Variants in TRAPPC5 observed in about 807,000 individuals in gnomAD.
TRAPPC5 encodes trafficking protein particle complex 5.
A neutral mutation model predicts 9.8 loss-of-function variants in TRAPPC5; 5 were observed. That is an observed-to-expected ratio of 0.51 (90% CI 0.27 to 1.07). TRAPPC5 has a LOEUF of 1.07. Ranked by LOEUF, TRAPPC5 falls within the 50% of genes least tolerant of loss-of-function variation. TRAPPC5 has a pLI of 0.12. For missense variants in TRAPPC5, 243 were observed against 291.5 expected, an observed-to-expected ratio of 0.83 and a Z score of 1.21; for synonymous variants, 146 against 140.7, an observed-to-expected ratio of 1.04 and a Z score of -0.26.
rs368901163 is a variant in TRAPPC5 at position 7,685,481 on chromosome 19, A to T, written c.*2661A>T. On this transcript the variant is annotated 3_prime_UTR_variant, in exon 2 of 2. Transcript: ENST00000596148. ...TCTGTTCAGAAAAGGAACTGCAGGG[A>T]CTGTCAGCTGGGCTCCCCTCACTGG... 7 of 152,082 alleles carry T rather than the reference A, an allele frequency of 4.6e-5. No homozygotes were observed. Among genetic ancestry groups the T allele is most frequent in the African/African-American group, 1.4e-4 (6 of 41,388 alleles). The allele number at this position is 152,082 out of a possible 1,614,324, so 9.4% of individuals were successfully genotyped here.
rs1322263464 is a variant in TRAPPC5, at chr19:7,682,263, C to T, written c.10C>T (p.Arg4Cys). Residue 4 changes from arginine (R) to cysteine (C), a missense_variant, in exon 2 of 2, where the codon CGC becomes TGC. Arg to Cys is a radical substitution (Grantham distance 180). Transcript: ENST00000596148. The surrounding 1 kb of genome is among the most constrained non-coding windows in gnomAD (Gnocchi z 8.6). MEA[R>C]FTRGKSALLE... is the part of the protein sequence containing the mutation. ...GCAGGGTGGCGGCGGCATGGAGGCG[C>T]GCTTCACGCGCGGGAAGTCGGCGCT... 1 of 1,401,482 alleles carries T rather than the reference C, an allele frequency of 7.1e-7. No individual in the cohort carries two copies. Among genetic ancestry groups the T allele is most frequent in the South Asian group, 1.6e-5 (1 of 63,040 alleles). The allele number at this position is 1,401,482 out of a possible 1,614,324, so 86.8% of individuals were successfully genotyped here.
At position 7,682,270 on chromosome 19, in the gene TRAPPC5, C is replaced by G. The variant is rs1429882602; in HGVS notation, c.17C>G (p.Thr6Arg). Residue 6 changes from threonine (T) to arginine (R), a missense_variant, in exon 2 of 2, where the codon ACG becomes AGG. Transcript: ENST00000596148. The surrounding 1 kb of genome is among the most constrained non-coding windows in gnomAD (Gnocchi z 8.6). The part of the protein sequence containing the change: MEARF[T>R]RGKSALLERA... ...GGCGGCGGCATGGAGGCGCGCTTCA[C>G]GCGCGGGAAGTCGGCGCTGCTGGAG... 1.2e-5 allele frequency: 17 copies of G among 1,412,060 alleles called. No individual in the cohort carries two copies. Among genetic ancestry groups the G allele is most frequent in the Non-Finnish European group, 1.5e-5 (16 of 1,090,960 alleles). The allele number at this position is 1,412,060 out of a possible 1,614,324, so 87.5% of individuals were successfully genotyped here. A position where few individuals can be genotyped will look rare whatever the true frequency, so the allele number is the denominator to read the frequency against.
rs897360285 is a variant in TRAPPC5 at position 7,686,481 on chromosome 19, A to T, written c.*3661A>T. 2 of 152,136 alleles carry T rather than the reference A, an allele frequency of 1.3e-5. No homozygotes were observed. The highest frequency in any genetic ancestry group is 2.9e-5 in the Non-Finnish European group (2 of 68,056). 9.4% of individuals were successfully genotyped at this position (152,136 alleles called of 1,614,324 possible). ...CAGCTCATTTCACAGGCAGGTTCCA[A>T]AAGAAGTCATGTGCCCATGGTCACA... On this transcript the variant is annotated 3_prime_UTR_variant, in exon 2 of 2. Transcript: ENST00000596148.
Position 7,682,329 on chromosome 19 carries a change from C to A in TRAPPC5, c.76C>A (p.Leu26Met). 1.3e-6 allele frequency: 2 copies of A among 1,542,424 alleles called. No individual in the cohort carries two copies. The highest frequency in any genetic ancestry group is 2.4e-5 in the East Asian group (1 of 40,854). ...GGCGCGGCCGCGCACCGAGGTGAGC[C>A]TGAGCGCCTTCGCACTGCTGTTCTC... The part of the protein sequence containing the change: ...ALARPRTEVS[L>M]SAFALLFSEL... Residue 26 changes from leucine (L) to methionine (M), a missense_variant, in exon 2 of 2, where the codon CTG becomes ATG. Transcript: ENST00000596148. This position sits in a 1 kb window ranked among gnomAD's most constrained non-coding sequence, Gnocchi z 8.6.
Position 7,682,882 on chromosome 19 carries a change from C to T in TRAPPC5, c.*62C>T. 2.0e-6 allele frequency: 3 copies of T among 1,483,312 alleles called. No homozygotes were observed. The highest frequency in any genetic ancestry group is 1.8e-6 in the Non-Finnish European group (2 of 1,104,056). 91.9% of individuals were successfully genotyped at this position (1,483,312 alleles called of 1,614,324 possible). A position where few individuals can be genotyped will look rare whatever the true frequency, so the allele number is the denominator to read the frequency against. ...CACGTGTGTCTTGTGTCTTGTGTGG[C>T]GGCCTTAGATCCACTCAGTACCTTG... On this transcript the variant is annotated 3_prime_UTR_variant, in exon 2 of 2. Coordinates refer to ENST00000596148, the MANE Select transcript of TRAPPC5 (RefSeq NM_001042462.2). The surrounding 1 kb of genome is among the most constrained non-coding windows in gnomAD (Gnocchi z 8.6).
At position 7,682,261 on chromosome 19, in the gene TRAPPC5, C is replaced by A. The variant is rs1196810047; in HGVS notation, c.8C>A (p.Ala3Glu). 2 of 1,399,504 alleles carry A rather than the reference C, an allele frequency of 1.4e-6. No homozygotes were observed. Among genetic ancestry groups the A allele is most frequent in the South Asian group, 1.6e-5 (1 of 62,782 alleles). 86.7% of individuals were successfully genotyped at this position (1,399,504 alleles called of 1,614,324 possible). A position where few individuals can be genotyped will look rare whatever the true frequency, so the allele number is the denominator to read the frequency against. MEARFTRGKSALL... is the reference protein window; with the variant it reads MEERFTRGKSALL... ...CCGCAGGGTGGCGGCGGCATGGAGG[C>A]GCGCTTCACGCGCGGGAAGTCGGCG... The change falls in exon 2 of 2, where the codon GCG (alanine) becomes GAG (glutamate). Residue 3 changes from alanine (A) to glutamate (E), a missense_variant. By Grantham distance (107) the Ala-to-Glu change is moderately radical (BLOSUM62 -1). Transcript: ENST00000596148. The surrounding 1 kb of genome is among the most constrained non-coding windows in gnomAD (Gnocchi z 8.6).
At position 7,681,727 on chromosome 19, in the gene TRAPPC5, C is replaced by G. The variant is rs181484584; in HGVS notation, c.-12-515C>G. Among the ~76,000 whole-genome samples the G allele has an allele frequency of 6.4e-4, 97 of 152,130 alleles. No individual in the cohort carries two copies. The highest frequency in any genetic ancestry group is 4.8e-3 in the South Asian group (23 of 4,812). On this transcript the variant is annotated intron_variant, in intron 1 of 1. Coordinates refer to ENST00000596148, the MANE Select transcript of TRAPPC5 (RefSeq NM_001042462.2). This position sits in a 1 kb window ranked among gnomAD's most constrained non-coding sequence, Gnocchi z 8.7. Reference sequence around the variant, plus strand: ...CTTTACTCTGGCTTTCCGCAGGGGGCCGGCAGGAAAGTTCCCGAGGGTCGT... The same window carrying G: ...CTTTACTCTGGCTTTCCGCAGGGGGGCGGCAGGAAAGTTCCCGAGGGTCGT...
At position 7,683,780 on chromosome 19, in the gene TRAPPC5, T is replaced by A. The variant is rs1456997355; in HGVS notation, c.*960T>A. 1.3e-5 allele frequency: 2 copies of A among 152,174 alleles called. No individual in the cohort carries two copies. Among genetic ancestry groups the A allele is most frequent in the Non-Finnish European group, 2.9e-5 (2 of 68,084 alleles). 9.4% of individuals were successfully genotyped at this position (152,174 alleles called of 1,614,324 possible). On this transcript the variant is annotated 3_prime_UTR_variant, in exon 2 of 2. Transcript: ENST00000596148. ...CTCCTGCCCCAGCCTCCCGAGTAGC[T>A]GGAACTACAGGTGCCCACCACCACA...
rs185243046 is a variant in TRAPPC5 at position 7,681,302 on chromosome 19, G to C, written c.-13+424G>C. 6.6e-6 allele frequency among the ~76,000 whole-genome samples: 1 copy of C among 151,554 alleles called. No homozygotes were observed. Among genetic ancestry groups the C allele is most frequent in the South Asian group, 2.1e-4 (1 of 4,804 alleles). On this transcript the variant is annotated intron_variant, in intron 1 of 1. Transcript: ENST00000596148. The surrounding 1 kb of genome is among the most constrained non-coding windows in gnomAD (Gnocchi z 8.7). ...GCATCCACACACCTCCCCATGCATG[G>C]TGGGGGCGGGTTCTCAGCTGCCCCT...
At position 7,682,025 on chromosome 19, in the gene TRAPPC5, G is replaced by A. The variant is rs567735533; in HGVS notation, c.-12-217G>A. 6.6e-6 allele frequency among the ~76,000 whole-genome samples: 1 copy of A among 152,164 alleles called. No homozygotes were observed. The highest frequency in any genetic ancestry group is 6.5e-5 in the Admixed American group (1 of 15,282). On this transcript the variant is annotated intron_variant, in intron 1 of 1. Transcript: ENST00000596148. The surrounding 1 kb of genome is among the most constrained non-coding windows in gnomAD (Gnocchi z 8.6). ...CTCCCGCTAGCCCGCTGCCTGCCGA[G>A]GGTATAAGACTCCCCCCTCCCTTGA...
In TRAPPC5 at chr19:7,682,280, G is replaced by A. The variant is rs2032650101; in HGVS notation, c.27G>A (p.Lys9=). The stretch of plus-strand genomic sequence containing the variant: ...TGGAGGCGCGCTTCACGCGCGGGAA[G>A]TCGGCGCTGCTGGAGCGCGCGCTGG... MEARFTRG[K]SALLERALAR... Residue 9 remains lysine, a synonymous_variant, in exon 2 of 2, where the codon AAG becomes AAA. Coordinates refer to ENST00000596148, the MANE Select transcript of TRAPPC5 (RefSeq NM_001042462.2). The surrounding 1 kb of genome is among the most constrained non-coding windows in gnomAD (Gnocchi z 8.6). 3.5e-6 allele frequency: 5 copies of A among 1,424,116 alleles called. No homozygotes were observed. Among genetic ancestry groups the A allele is most frequent in the East Asian group, 2.8e-5 (1 of 35,244 alleles). The allele number at this position is 1,424,116 out of a possible 1,614,324, so 88.2% of individuals were successfully genotyped here.
Position 7,682,760 on chromosome 19 carries a change from G to T in TRAPPC5, c.507G>T (p.Thr169=), listed in dbSNP as rs749805705. 3 of 1,611,522 alleles carry T rather than the reference G, an allele frequency of 1.9e-6. No homozygotes were observed. In the African/African-American group the frequency reaches 4.0e-5, roughly 22 times the overall value. The change falls in exon 2 of 2, where the codon ACG becomes ACT. Residue 169 remains threonine, a synonymous_variant. Transcript: ENST00000596148. This position sits in a 1 kb window ranked among gnomAD's most constrained non-coding sequence, Gnocchi z 8.6. The stretch of plus-strand genomic sequence containing the variant: ...CGGCGCACTGGCACAAGGGCACCAC[G>T]CTCATGATCAAGTTCGAGGAGGCAG... ...KVTAHWHKGT[T]LMIKFEEAVI...
rs1330203234 is a variant in TRAPPC5, at chr19:7,686,156, C to T, written c.*3336C>T. The stretch of plus-strand genomic sequence containing the variant: ...AATTTGTAAGCTGGGAGTGCAGGGC[C>T]CAGGGTCTGTTCCCACGCCCCATCC... On this transcript the variant is annotated 3_prime_UTR_variant, in exon 2 of 2. Coordinates refer to ENST00000596148, the MANE Select transcript of TRAPPC5 (RefSeq NM_001042462.2). 6.6e-6 allele frequency: 1 copy of T among 152,492 alleles called. No homozygotes were observed. Among genetic ancestry groups the T allele is most frequent in the Non-Finnish European group, 1.5e-5 (1 of 68,376 alleles). The allele number at this position is 152,492 out of a possible 1,614,324, so 9.4% of individuals were successfully genotyped here. A position where few individuals can be genotyped will look rare whatever the true frequency, so the allele number is the denominator to read the frequency against.
Position 7,686,513 on chromosome 19 carries a change from A to AATT in TRAPPC5, c.*3712_*3714dup, listed in dbSNP as rs138276103. 9,214 of 151,524 alleles carry AATT rather than the reference A, an allele frequency of 0.061. 345 individuals are homozygous for AATT. Among genetic ancestry groups the AATT allele is most frequent in the East Asian group, 0.2 (1,006 of 5,126 alleles). The allele number at this position is 151,524 out of a possible 1,614,324, so 9.4% of individuals were successfully genotyped here. A position where few individuals can be genotyped will look rare whatever the true frequency, so the allele number is the denominator to read the frequency against. On this transcript the variant is annotated 3_prime_UTR_variant, in exon 2 of 2. Coordinates refer to ENST00000596148, the MANE Select transcript of TRAPPC5 (RefSeq NM_001042462.2). ...TCATGTGCCCATGGTCACACAGATT[A>AATT]ATTATTATTATTATTATTATTTAGA... is the stretch of plus-strand genomic sequence containing the variant.
chr19:7,686,264 C>A lies in TRAPPC5; in HGVS notation c.*3444C>A, dbSNP rs56357015. 4.6e-5 allele frequency: 7 copies of A among 152,186 alleles called. No homozygotes were observed. The highest frequency in any genetic ancestry group is 1.3e-4 in the Admixed American group (2 of 15,252). 9.4% of individuals were successfully genotyped at this position (152,186 alleles called of 1,614,324 possible). The stretch of plus-strand genomic sequence containing the variant: ...AGCTGTAGGGTTATGAGGCTGGGCC[C>A]GGGGTTGGGGCAAGGGAGGATGAAG... On this transcript the variant is annotated 3_prime_UTR_variant, in exon 2 of 2. Transcript: ENST00000596148.
chr19:7,682,672 C>T lies in TRAPPC5; in HGVS notation c.419C>T (p.Ala140Val). The change falls in exon 2 of 2, where the codon GCC becomes GTC. Residue 140 changes from alanine (A) to valine (V), a missense_variant. Coordinates refer to ENST00000596148, the MANE Select transcript of TRAPPC5 (RefSeq NM_001042462.2). The surrounding 1 kb of genome is among the most constrained non-coding windows in gnomAD (Gnocchi z 8.6). ...VPKENSTLNC[A>V]SFTAGIVEAV... ...AAGGAGAACAGCACGCTCAACTGCGCCAGCTTCACGGCGGGCATCGTGGAG... is the reference window on the plus strand; with the variant it reads ...AAGGAGAACAGCACGCTCAACTGCGTCAGCTTCACGGCGGGCATCGTGGAG... 1 of 1,613,912 alleles carries T rather than the reference C, an allele frequency of 6.2e-7. No individual in the cohort carries two copies. Among genetic ancestry groups the T allele is most frequent in the Non-Finnish European group, 8.5e-7 (1 of 1,179,966 alleles).
rs998203910 is a variant in TRAPPC5, at chr19:7,684,917, T to G, written c.*2097T>G. The G allele has an allele frequency of 6.6e-5, 10 of 152,062 alleles. No individual in the cohort carries two copies. Among genetic ancestry groups the G allele is most frequent in the African/African-American group, 2.4e-4 (10 of 41,406 alleles). 9.4% of individuals were successfully genotyped at this position (152,062 alleles called of 1,614,324 possible). On this transcript the variant is annotated 3_prime_UTR_variant, in exon 2 of 2. Transcript: ENST00000596148. ...TATTCAGGAGGCCGAGGCAGAAGGA[T>G]CGCTTGAGGCCAGGGGTTGGTGTCC...
chr19:7,683,555 G>A lies in TRAPPC5; in HGVS notation c.*735G>A, dbSNP rs1446825267. ...TGCCCCATTACTCCGCTGATGTACT[G>A]AATGCAACCACAGACAACATGTAAA... On this transcript the variant is annotated 3_prime_UTR_variant, in exon 2 of 2. Transcript: ENST00000596148. The A allele has an allele frequency of 1.3e-5, 2 of 152,132 alleles. No homozygotes were observed. Among genetic ancestry groups the A allele is most frequent in the East Asian group, 1.9e-4 (1 of 5,174 alleles). 9.4% of individuals were successfully genotyped at this position (152,132 alleles called of 1,614,324 possible).
rs888832604 is a variant in TRAPPC5 at position 7,684,177 on chromosome 19, G to A, written c.*1357G>A. On this transcript the variant is annotated 3_prime_UTR_variant, in exon 2 of 2. Coordinates refer to ENST00000596148, the MANE Select transcript of TRAPPC5 (RefSeq NM_001042462.2). ...GGCCCACCCCAGAGCTGCTGAATCTGAGGGTGCATTTTAGCGAGGCCCCCA... is the reference window on the plus strand; with the variant it reads ...GGCCCACCCCAGAGCTGCTGAATCTAAGGGTGCATTTTAGCGAGGCCCCCA... 1.3e-5 allele frequency: 2 copies of A among 152,202 alleles called. No homozygotes were observed. Among genetic ancestry groups the A allele is most frequent in the Non-Finnish European group, 2.9e-5 (2 of 68,046 alleles). The allele number at this position is 152,202 out of a possible 1,614,324, so 9.4% of individuals were successfully genotyped here.
Sources: allele counts gnomAD v4.1 joint callset (sites outside exome capture counted in the v4.1 genomes callset), GRCh38; gene constraint gnomAD v4.1.1; non-coding constraint Gnocchi (gnomAD v3.1); transcripts MANE v1.5; gene names NCBI Gene and HGNC (gene_info 2026-07-23, HGNC 2026-07-21).